The following ATOSB variants were observed in gnomAD, a reference collection of about 807,000 sequenced individuals.
ATOSB encodes atos homolog protein B.
the ATOSB span, among the ~76,000 whole-genome samples, chr9:35,113,049 G>A: frequency 6.6e-6 from 1 of 152,266 alleles, no homozygotes; most frequent in South Asian, 2.1e-4. Context: ...CGGTTCCCTA[G>A]TGTAAGGAAC....
chr9:35,115,969 CTGTGGACT>C, the ATOSB span: 1 of 152,128 alleles, frequency 6.6e-6, no homozygotes, highest in Non-Finnish European at 1.5e-5. Flanking sequence ...CTTCCACCTT[CTGTGGACT>C]TGTCCCTTTC....
the ATOSB span, chr9:35,107,319 CAAAAAAAAAAAAA>C: frequency 1.5e-5 from 17 of 1,161,264 alleles, 1 homozygote; most frequent in Admixed American, 3.3e-4. Flanking sequence ...GATCCCATCT[CAAAAAAAAAAAAA>C]AAAAAAAAAA....
chr9:35,106,036 A>G, the ATOSB span: 3 of 1,606,050 alleles, frequency 1.9e-6, no homozygotes, highest in East Asian at 4.5e-5. This position sits in a 1 kb window ranked among gnomAD's most constrained non-coding sequence, Gnocchi z 4.6. Flanking sequence ...CCATCAGTCA[A>G]GGTGGGGACT....
chr9:35,105,184 C>G, the ATOSB span: 18 of 1,580,706 alleles, frequency 1.1e-5, 1 homozygote, highest in South Asian at 1.9e-4. This position sits in a 1 kb window ranked among gnomAD's most constrained non-coding sequence, Gnocchi z 5.5. Context: ...GCAGGATGGG[C>G]AGGTCATTAG....
the ATOSB span, chr9:35,105,813 C>CTTTACCACAGTCCTTT: frequency 6.2e-7 from 1 of 1,614,134 alleles, no homozygotes; most frequent in East Asian, 2.2e-5. The surrounding 1 kb of genome is among the most constrained non-coding windows in gnomAD (Gnocchi z 5.5). Flanking sequence ...AGTCAAAGGT[C>CTTTACCACAGTCCTTT]ACAAGGAACA....
the ATOSB span, chr9:35,106,504 G>A: frequency 5.6e-6 from 9 of 1,595,904 alleles, 1 homozygote; most frequent in Admixed American, 1.6e-4. The surrounding 1 kb of genome is among the most constrained non-coding windows in gnomAD (Gnocchi z 4.6). Flanking sequence ...CCTCTCCCAG[G>A]ACCCCGGCAA....
At chr9:35,105,840 G>T in the ATOSB span, 1 of 1,614,172 alleles carries the variant, frequency 6.2e-7, no homozygotes, top group Non-Finnish European at 8.5e-7. The surrounding 1 kb of genome is among the most constrained non-coding windows in gnomAD (Gnocchi z 5.5). Flanking sequence ...CCACAGTCTG[G>T]TTGGGGTTAA....
At chr9:35,105,799 G>A in the ATOSB span, 4 of 1,614,022 alleles carry the variant, frequency 2.5e-6, no homozygotes, top group East Asian at 2.2e-5. The surrounding 1 kb of genome is among the most constrained non-coding windows in gnomAD (Gnocchi z 5.5). Flanking sequence ...AGGCATGTCC[G>A]AGAAGTCAAA....
the ATOSB span, chr9:35,115,851 G>A: frequency 6.6e-6 from 1 of 152,220 alleles, no homozygotes; most frequent in Non-Finnish European, 1.5e-5. Flanking sequence ...GGTAGTGGTT[G>A]GGGCAGTTAC....
the ATOSB span, chr9:35,106,582 C>G: frequency 1.3e-6 from 2 of 1,570,176 alleles, no homozygotes; most frequent in Non-Finnish European, 1.7e-6. This position sits in a 1 kb window ranked among gnomAD's most constrained non-coding sequence, Gnocchi z 4.6. Flanking sequence ...GGGGTAGGAA[C>G]AGGGGAGGCA....
the ATOSB span, chr9:35,107,416 T>C: frequency 6.2e-7 from 1 of 1,613,232 alleles, no homozygotes; most frequent in South Asian, 1.1e-5. Flanking sequence ...AGCAGGTGGC[T>C]CCAGAAGGGT....
chr9:35,107,610 C>A, the ATOSB span: 2 of 1,594,698 alleles, frequency 1.3e-6, no homozygotes, highest in East Asian at 4.5e-5. Flanking sequence ...GGGACTGTGC[C>A]CATTGGCAGT....
At chr9:35,114,221 C>T in the ATOSB span, among the ~76,000 whole-genome samples, 16 of 152,344 alleles carry the variant, frequency 1.1e-4, no homozygotes, top group East Asian at 2.9e-3. Flanking sequence ...CAAACCGCCC[C>T]AGTCCTGAGG....
the ATOSB span, chr9:35,104,314 T>C: frequency 6.5e-6 from 1 of 153,624 alleles, no homozygotes; most frequent in African/African-American, 2.4e-5. Context: ...ATGGGGTAGT[T>C]TGGAACCACA....
the ATOSB span, among the ~76,000 whole-genome samples, chr9:35,112,543 T>C: frequency 9.2e-5 from 14 of 152,300 alleles, no homozygotes; most frequent in Non-Finnish European, 1.5e-4. Flanking sequence ...CCCTAACCCT[T>C]GTCCTCCTAT....
At chr9:35,105,359 G>T in the ATOSB span, 2 of 1,612,312 alleles carry the variant, frequency 1.2e-6, no homozygotes, top group Middle Eastern at 1.7e-4. This position sits in a 1 kb window ranked among gnomAD's most constrained non-coding sequence, Gnocchi z 5.5. Context: ...AGCGGCCTGA[G>T]CGGGAGCTCC....
At chr9:35,111,196 C>T in the ATOSB span, 1 of 153,450 alleles carries the variant, frequency 6.5e-6, no homozygotes, top group Non-Finnish European at 1.5e-5. Context: ...CTCCTCTCCT[C>T]CCCACAGCCT....
the ATOSB span, among the ~76,000 whole-genome samples, chr9:35,107,081 G>C: frequency 6.6e-6 from 1 of 152,126 alleles, no homozygotes; most frequent in East Asian, 1.9e-4. Flanking sequence ...CAACACTTTA[G>C]AAGGCCAAGG....
chr9:35,105,896 C>A, the ATOSB span: 1 of 1,613,808 alleles, frequency 6.2e-7, no homozygotes, highest in Non-Finnish European at 8.5e-7. This position sits in a 1 kb window ranked among gnomAD's most constrained non-coding sequence, Gnocchi z 5.5. Context: ...GGCCTGAGGG[C>A]TGCTTTCCTC....
Sources: gnomAD v4.1 joint callset for allele counts (sites outside exome capture counted in the v4.1 genomes callset) on GRCh38, gnomAD v4.1.1 for gene constraint, Gnocchi (gnomAD v3.1) non-coding constraint, MANE v1.5 for transcripts, NCBI Gene and HGNC (gene_info 2026-07-23, HGNC 2026-07-21) for gene names.